Variants in SVIL observed in about 807,000 individuals in gnomAD.
SVIL encodes archvillin.
A neutral mutation model predicts 240.4 loss-of-function variants in SVIL; 101 were observed. That is an observed-to-expected ratio of 0.42 (90% CI 0.36 to 0.50). SVIL has a LOEUF of 0.50. Ranked by LOEUF, SVIL falls within the 20% of genes least tolerant of loss-of-function variation. The pLI, the probability that SVIL is intolerant of heterozygous loss-of-function variation, is 0.01. For missense variants in SVIL, 2,512 were observed against 2,818.7 expected, an observed-to-expected ratio of 0.89 and a Z score of 2.46; for synonymous variants, 999 against 1,100.0, an observed-to-expected ratio of 0.91 and a Z score of 1.82.
chr10:29,530,512 C>T (rs1951282450), intron 11 of SVIL, 95 bp downstream of exon 11: 1 of 1,419,958 alleles, frequency 7.0e-7, no homozygotes, highest in Non-Finnish European at 9.9e-7. Context: ...TCTCAAACTC[C>T]TGGCCTCAAG....
intron 3 of SVIL, among the ~76,000 whole-genome samples, chr10:29,651,155 C>A (rs1353399570): frequency 6.6e-6 from 1 of 152,114 alleles, no homozygotes; most frequent in Non-Finnish European, 1.5e-5. Context: ...ACCCTGCCTA[C>A]AAGTTAGCAA....
chr10:29,580,871 C>A (rs947474687), intron 1 of SVIL, among the ~76,000 whole-genome samples: 2 of 152,150 alleles, frequency 1.3e-5, no homozygotes, highest in Admixed American at 1.3e-4. Context: ...TGGTCTCAAA[C>A]TCCTGGCCTG....
At chr10:29,667,551 T>C (rs1589479688) in intron 2 of SVIL, among the ~76,000 whole-genome samples, 1 of 152,024 alleles carries the variant, frequency 6.6e-6, no homozygotes, top group Non-Finnish European at 1.5e-5. Context: ...AATGGTATGG[T>C]CTTCTCAAAA....
chr10:29,662,189 A>G (rs1959169330), intron 2 of SVIL, among the ~76,000 whole-genome samples: 1 of 152,150 alleles, frequency 6.6e-6, no homozygotes, highest in South Asian at 2.1e-4. Context: ...AGACATTTTC[A>G]CAGAGCCTTA....
intron 32 of SVIL, among the ~76,000 whole-genome samples, chr10:29,469,480 T>A (rs749924896): frequency 2.0e-5 from 3 of 152,194 alleles, no homozygotes; most frequent in African/African-American, 7.2e-5. Flanking sequence ...TCCTCACAGG[T>A]CTCAGTTGCC....
In SVIL at chr10:29,467,829, G is replaced by A. The variant is rs1945099423; in HGVS notation, c.5890C>T (p.His1964Tyr). Reference sequence around the variant, plus strand: ...GGCTCGGAGCCTTCATCACACTCGTGTATTGTGACTTTGCTGCTACTATGC... The same window carrying A: ...GGCTCGGAGCCTTCATCACACTCGTATATTGTGACTTTGCTGCTACTATGC... ...GLHSSSKVTI[H>Y]ECDEGSEPLG... Residue 1964 changes from histidine to tyrosine, a missense_variant, in exon 33 of 38, where the codon CAC becomes TAC. Coordinates refer to ENST00000355867, the MANE Select transcript of SVIL (RefSeq NM_021738.3). 1 of 1,614,154 alleles carries A rather than the reference G, an allele frequency of 6.2e-7. No individual in the cohort carries two copies. Among genetic ancestry groups the A allele is most frequent in the Non-Finnish European group, 8.5e-7 (1 of 1,180,004 alleles).
chr10:29,495,190 C>G lies in SVIL; in HGVS notation c.3665-9G>C. The stretch of plus-strand genomic sequence containing the variant: ...AGTAGGTGACGCCAAACCTGTGGAA[C>G]ACACAGACGAGCTACTGAGCATCTC... On this transcript the variant is annotated splice_polypyrimidine_tract_variant and intron_variant, in intron 18 of 37. Transcript: ENST00000355867. The G allele has an allele frequency of 7.2e-7, 1 of 1,389,408 alleles. No individual in the cohort carries two copies. The highest frequency in any genetic ancestry group is 1.7e-5 in the African/African-American group (1 of 60,322). 86.1% of individuals were successfully genotyped at this position (1,389,408 alleles called of 1,614,324 possible).
At chr10:29,529,004 C>A (rs183362156) in intron 12 of SVIL, among the ~76,000 whole-genome samples, 1 of 151,434 alleles carries the variant, frequency 6.6e-6, no homozygotes, top group Middle Eastern at 3.2e-3. Context: ...GGTGAAACCC[C>A]GTCTCTACTA....
chr10:29,645,547 G>T (rs901550467), intron 3 of SVIL, among the ~76,000 whole-genome samples: 2 of 152,168 alleles, frequency 1.3e-5, no homozygotes, highest in African/African-American at 4.8e-5. Context: ...TCCAGCCTGG[G>T]CGATAGAGTG....
At chr10:29,680,060 C>T (rs1184432382) in intron 2 of SVIL, among the ~76,000 whole-genome samples, 1 of 152,092 alleles carries the variant, frequency 6.6e-6, no homozygotes, top group East Asian at 1.9e-4. Context: ...TTGCATGTGC[C>T]TGTCATCCCA....
intron 1 of SVIL, among the ~76,000 whole-genome samples, chr10:29,718,589 C>T (rs909898707): frequency 4.6e-5 from 7 of 152,154 alleles, no homozygotes; most frequent in African/African-American, 1.7e-4. Flanking sequence ...ACCCAGCAGA[C>T]TCCCAGAGCC....
At chr10:29,658,888 C>T (rs1292189564) in intron 2 of SVIL, among the ~76,000 whole-genome samples, 1 of 152,178 alleles carries the variant, frequency 6.6e-6, no homozygotes, top group Non-Finnish European at 1.5e-5. Context: ...AGACCCAATT[C>T]CACAGAAAAA....
intron 1 of SVIL, among the ~76,000 whole-genome samples, chr10:29,573,404 A>G (rs1287571580): frequency 6.6e-6 from 1 of 152,214 alleles, no homozygotes; most frequent in Non-Finnish European, 1.5e-5. Context: ...TTATGGATAT[A>G]AAATTTAATC....
intron 6 of SVIL, among the ~76,000 whole-genome samples, chr10:29,541,361 A>G (rs1952141220): frequency 6.6e-6 from 1 of 152,194 alleles, no homozygotes; most frequent in Non-Finnish European, 1.5e-5. Flanking sequence ...AATGTTTCCT[A>G]TCCTGACTGG....
rs75791080 is a variant in SVIL, at chr10:29,718,508, A to C, written c.-400+17243T>G. Among the ~76,000 whole-genome samples, 1,078 of 152,176 alleles carry C rather than the reference A, an allele frequency of 7.1e-3. 11 individuals are homozygous for C. Among genetic ancestry groups the C allele is most frequent in the East Asian group, 0.049 (254 of 5,182 alleles). On this transcript the variant is annotated intron_variant, in intron 1 of 35. Coordinates refer to the SVIL transcript ENST00000375400. ...GTTTCTTAGAAATGTAGAGTCTCAG[A>C]CCCTAGCAAAAACCTACTGAACAGA...
chr10:29,486,673 C>T (rs557557820), intron 24 of SVIL, 116 bp from the exon 25 acceptor site: 43 of 1,221,574 alleles, frequency 3.5e-5, no homozygotes, highest in East Asian at 3.2e-4. Flanking sequence ...CTTGTGACCA[C>T]GGGTGTGGGT....
intron 17 of SVIL, among the ~76,000 whole-genome samples, chr10:29,508,836 G>A (rs559261549): frequency 1.3e-5 from 2 of 152,304 alleles, no homozygotes; most frequent in African/African-American, 4.8e-5. Context: ...GGGTTTTAAT[G>A]GCCAAGTCTA....
chr10:29,569,224 T>C, intron 2 of SVIL, 31 bp downstream of exon 2: 1 of 971,700 alleles, frequency 1.0e-6, no homozygotes, highest in South Asian at 4.8e-5. Flanking sequence ...ATCTTCAAAA[T>C]TTCACAGTTG....
At chr10:29,705,886 A>G (rs1235201785) in intron 1 of SVIL, among the ~76,000 whole-genome samples, 1 of 152,202 alleles carries the variant, frequency 6.6e-6, no homozygotes, top group Non-Finnish European at 1.5e-5. Context: ...CCAGGCTATC[A>G]CTGATGGGCA....
Sources: gnomAD v4.1 joint callset for allele counts (sites outside exome capture counted in the v4.1 genomes callset) on GRCh38, gnomAD v4.1.1 for gene constraint, MANE v1.5 for transcripts, NCBI Gene and HGNC (gene_info 2026-07-23, HGNC 2026-07-21) for gene names.